Variants in GTF2I observed in about 807,000 individuals in gnomAD.
GTF2I encodes the protein general transcription factor II-I.
In GTF2I, 12 loss-of-function variants were observed where a neutral mutation model predicts 67.6. The ratio of observed to expected loss-of-function variants is 0.18; its 90% confidence interval spans 0.11 to 0.29. GTF2I has a LOEUF of 0.29. Among genes scored for constraint, GTF2I ranks in the 10% least tolerant of loss-of-function variants. The pLI is 1.00. For synonymous variants in GTF2I, 149 were observed against 197.0 expected (o/e 0.76, Z 2.04); for missense variants, 271 against 580.1 (o/e 0.47, Z 5.47).
intron 3 of GTF2I, among the ~76,000 whole-genome samples, chr7:74,692,947 A>T (rs1349476111): frequency 1.3e-5 from 2 of 152,044 alleles, no homozygotes; most frequent in Non-Finnish European, 2.9e-5. Context: ...TTTTTAGTAG[A>T]GATGGGGTTT....
At chr7:74,701,393 C>G (rs947240750) in intron 6 of GTF2I, among the ~76,000 whole-genome samples, 7 of 152,066 alleles carry the variant, frequency 4.6e-5, no homozygotes, top group African/African-American at 1.7e-4. Context: ...GTCTTATTCT[C>G]ATTGTGGTGA....
intron 10 of GTF2I, among the ~76,000 whole-genome samples, chr7:74,715,910 C>A (rs112697960): frequency 6.6e-6 from 1 of 152,100 alleles, no homozygotes; most frequent in South Asian, 2.1e-4. Context: ...TTTTTCAGAC[C>A]GTAAGCATTG....
At chr7:74,666,690 G>A (rs1203250862) in intron 1 of GTF2I, among the ~76,000 whole-genome samples, 1 of 151,736 alleles carries the variant, frequency 6.6e-6, no homozygotes, top group South Asian at 2.1e-4. Context: ...AAAATTGGCC[G>A]GGCACGGTGG....
chr7:74,709,079 G>T (rs1791168171), intron 8 of GTF2I, among the ~76,000 whole-genome samples: 1 of 152,116 alleles, frequency 6.6e-6, no homozygotes, highest in Non-Finnish European at 1.5e-5. Context: ...GAAACTTCCA[G>T]CCAAACTATT....
chr7:74,732,752 T>A, intron 15 of GTF2I, 90 bp downstream of exon 15: 1 of 1,514,344 alleles, frequency 6.6e-7, no homozygotes, highest in Non-Finnish European at 8.8e-7. Flanking sequence ...CACCACTAGG[T>A]TCTATGTGAT....
intron 4 of GTF2I, 63 bp from the exon 5 acceptor site, chr7:74,700,184 G>C (rs1335334994): frequency 1.9e-6 from 3 of 1,545,020 alleles, no homozygotes; most frequent in Admixed American, 1.8e-5. Context: ...CAATAAGCTA[G>C]CGATGATTTC....
chr7:74,691,108 T>C lies in GTF2I; in HGVS notation c.235T>C (p.Tyr79His). The C allele has an allele frequency of 6.3e-7, 1 of 1,597,334 alleles. No individual in the cohort carries two copies. The highest frequency in any genetic ancestry group is 8.6e-7 in the Non-Finnish European group (1 of 1,167,082). Residue 79 changes from tyrosine (Y) to histidine (H), a missense_variant, in exon 3 of 35, where the codon TAT (tyrosine) becomes CAT (histidine). By Grantham distance (83) the Tyr-to-His change is moderately conservative (BLOSUM62 2). Transcript: ENST00000573035. ...GGATTTTCAAAAAGATTTTGTAAAA[T>C]ATTGTAAGCATTGTATTTTTATCTT... ...RKDFQKDFVK[Y>H]CVEEEEKAAE...
chr7:74,699,237 C>T (rs1789390134), intron 4 of GTF2I, 142 bp downstream of exon 4: 1 of 425,688 alleles, frequency 2.3e-6, no homozygotes, highest in Non-Finnish European at 4.1e-6. Context: ...TACTTTCTTC[C>T]ACTTCCATTT....
intron 1 of GTF2I, among the ~76,000 whole-genome samples, chr7:74,688,715 A>G (rs1338662572): frequency 3.3e-5 from 5 of 152,172 alleles, no homozygotes; most frequent in Admixed American, 3.3e-4. Context: ...ACTCAGCCTC[A>G]GTCCACTGTA....
intron 28 of GTF2I, 103 bp from the exon 29 acceptor site, chr7:74,752,991 G>A (rs1275497239): frequency 2.4e-6 from 2 of 819,236 alleles, no homozygotes; most frequent in African/African-American, 3.4e-5. Context: ...TTGAGCCCAA[G>A]AGTTCAAGGC....
chr7:74,700,589 GT>G lies in GTF2I; in HGVS notation c.558-13del, dbSNP rs782180402. On this transcript the variant is annotated splice_polypyrimidine_tract_variant and intron_variant, in intron 5 of 34. Coordinates refer to ENST00000573035, the MANE Select transcript of GTF2I (RefSeq NM_032999.4). Reference sequence around the variant, plus strand: ...GCGTATTCATACGAAGTTTTGTTTTGTTTTGTTTTAATGCAGACCTTTTTTA... The same window carrying G: ...GCGTATTCATACGAAGTTTTGTTTTGTTTGTTTTAATGCAGACCTTTTTTA... 6.8e-6 allele frequency: 11 copies of G among 1,613,796 alleles called. No individual in the cohort carries two copies. The Admixed American group carries it at 1.8e-4, about 27-fold the overall frequency.
At chr7:74,689,391 G>A (rs1160542419) in intron 2 of GTF2I, 164 bp downstream of exon 2, 2 of 394,242 alleles carry the variant, frequency 5.1e-6, no homozygotes, top group Non-Finnish European at 8.4e-6. Context: ...GTCTTGCTCT[G>A]TTGCCCAGGC....
intron 4 of GTF2I, chr7:74,699,980 A>G (rs1789511916): frequency 3.1e-6 from 1 of 326,498 alleles, no homozygotes; most frequent in Admixed American, 4.4e-5. Flanking sequence ...CAAGAAAGAC[A>G]ATAGTGCAAG....
chr7:74,704,066 C>T (rs1442056265), intron 6 of GTF2I, among the ~76,000 whole-genome samples: 4 of 152,120 alleles, frequency 2.6e-5, no homozygotes, highest in South Asian at 2.1e-4. Flanking sequence ...TCTTGTTGCT[C>T]TGACTAGAAT....
chr7:74,729,721 G>T (rs1290590767), intron 13 of GTF2I, among the ~76,000 whole-genome samples: 1 of 139,198 alleles, frequency 7.2e-6, no homozygotes, highest in East Asian at 2.2e-4. Context: ...CAGGTGATCC[G>T]CATGCCTCAG....
In GTF2I at chr7:74,662,296, G is replaced by GC. The variant is rs1174973718; in HGVS notation, c.-6+4235dup. ...GCACAATCAGCTCACTGCAACTTAC[G>GC]CCCCCCCAGGGTCAAGTGATTCTCC... On this transcript the variant is annotated intron_variant, in intron 1 of 34. Coordinates refer to ENST00000573035, the MANE Select transcript of GTF2I (RefSeq NM_032999.4). Among the ~76,000 whole-genome samples, 19 of 129,468 alleles carry GC rather than the reference G, an allele frequency of 1.5e-4. No homozygotes were observed. The South Asian group carries it at 2.0e-3, about 14-fold the overall frequency. 84.9% of individuals were successfully genotyped at this position (129,468 alleles called of 152,430 possible). A position where few individuals can be genotyped will look rare whatever the true frequency, so the allele number is the denominator to read the frequency against.
intron 8 of GTF2I, among the ~76,000 whole-genome samples, 194 bp downstream of exon 8, chr7:74,706,627 G>A (rs1294393314): frequency 6.6e-6 from 1 of 152,116 alleles, no homozygotes; most frequent in African/African-American, 2.4e-5. Flanking sequence ...CTCAGTAAGT[G>A]GTAGGCAGAG....
chr7:74,673,684 T>C (rs1805654913), intron 1 of GTF2I, among the ~76,000 whole-genome samples: 1 of 143,572 alleles, frequency 7.0e-6, no homozygotes, highest in Non-Finnish European at 1.5e-5. Context: ...CGGCCTCTTT[T>C]TTTTTTTTTT....
At chr7:74,663,878 G>A (rs775745311) in intron 1 of GTF2I, among the ~76,000 whole-genome samples, 3 of 152,068 alleles carry the variant, frequency 2.0e-5, no homozygotes, top group Non-Finnish European at 2.9e-5. Flanking sequence ...CACCCAGGCT[G>A]GAGTGCAGTG....
Sources: gnomAD v4.1 joint callset for allele counts (sites outside exome capture counted in the v4.1 genomes callset) on GRCh38, gnomAD v4.1.1 for gene constraint, MANE v1.5 for transcripts, NCBI Gene and HGNC (gene_info 2026-07-23, HGNC 2026-07-21) for gene names.